Variants in NXPE2 observed in about 807,000 individuals in gnomAD.
NXPE2 encodes neurexophilin and PC-esterase domain family member 2, also known as NXPE family member 2.
Under a neutral mutation model 34.4 loss-of-function variants are expected in NXPE2, and 34 were observed. That is an observed-to-expected ratio of 0.99 (90% confidence interval 0.75 to 1.31). The LOEUF is 1.31. Among genes scored for constraint, NXPE2 ranks in the 40% most tolerant of loss-of-function variants. The probability of loss-of-function intolerance (pLI) is 0.00; values close to 1 mark genes in which losing one functional copy is unlikely to be tolerated. For synonymous variants in NXPE2, 235 were observed against 231.3 expected, an observed-to-expected ratio of 1.02 and a Z score of -0.15; for missense variants, 649 against 672.5, an observed-to-expected ratio of 0.97 and a Z score of 0.39.
the NXPE2 span, among the ~76,000 whole-genome samples, chr11:114,603,900 C>A: frequency 2.0e-5 from 3 of 149,996 alleles, no homozygotes; most frequent in Non-Finnish European, 4.4e-5. Flanking sequence ...AGTATTGCCT[C>A]GTCTCCAAGG....
At chr11:114,711,313 T>C (rs1344864660), downstream of NXPE2, among the ~76,000 whole-genome samples, 1 of 151,914 alleles carries the variant, frequency 6.6e-6, no homozygotes, top group East Asian at 1.9e-4. Context: ...AGACACACAA[T>C]TGGAAAAGCA....
chr11:114,779,871 G>T, the NXPE2 span, among the ~76,000 whole-genome samples: 2 of 151,888 alleles, frequency 1.3e-5, no homozygotes, highest in African/African-American at 4.8e-5. Context: ...AAATTCCCTC[G>T]AGGTGAGTGA....
the NXPE2 span, among the ~76,000 whole-genome samples, chr11:114,754,529 G>C: frequency 1.3e-5 from 2 of 152,316 alleles, no homozygotes; most frequent in African/African-American, 4.8e-5. Flanking sequence ...CAGGATCTAA[G>C]GTTGGGTCAT....
the NXPE2 span, among the ~76,000 whole-genome samples, chr11:114,770,224 A>C: frequency 6.6e-6 from 1 of 152,228 alleles, no homozygotes; most frequent in Non-Finnish European, 1.5e-5. Flanking sequence ...TGGTGGGTTG[A>C]GGTCAGTCTG....
chr11:114,606,208 C>T, the NXPE2 span, among the ~76,000 whole-genome samples: 7 of 136,626 alleles, frequency 5.1e-5, no homozygotes, highest in East Asian at 2.3e-4. Flanking sequence ...GTGGATAATA[C>T]GTATTGCCTC....
the NXPE2 span, among the ~76,000 whole-genome samples, chr11:114,484,314 A>C: frequency 6.6e-6 from 1 of 152,150 alleles, no homozygotes; most frequent in Non-Finnish European, 1.5e-5. Context: ...GCCTCAAACT[A>C]TCTGGGGTAT....
At chr11:114,755,139 G>A in the NXPE2 span, among the ~76,000 whole-genome samples, 1 of 152,122 alleles carries the variant, frequency 6.6e-6, no homozygotes, top group East Asian at 1.9e-4. Context: ...GCTATGAAGA[G>A]GAGCAGAAAA....
chr11:114,787,374 T>C, the NXPE2 span, among the ~76,000 whole-genome samples: 6 of 152,012 alleles, frequency 3.9e-5, no homozygotes, highest in African/African-American at 1.2e-4. Flanking sequence ...CTCTGTGGCG[T>C]GGGGTGGGAA....
At chr11:114,558,047 A>G in the NXPE2 span, among the ~76,000 whole-genome samples, 2 of 152,082 alleles carry the variant, frequency 1.3e-5, no homozygotes, top group African/African-American at 4.8e-5. Flanking sequence ...TCACTGCCCC[A>G]GTTGCTCTCT....
the NXPE2 span, chr11:114,523,086 C>A: frequency 6.2e-6 from 10 of 1,610,656 alleles, no homozygotes; most frequent in South Asian, 2.2e-5. Context: ...TCTATTTTTT[C>A]TCTCTCTGGT....
At chr11:114,812,088 A>G in the NXPE2 span, among the ~76,000 whole-genome samples, 1 of 152,228 alleles carries the variant, frequency 6.6e-6, no homozygotes, top group Admixed American at 6.5e-5. Flanking sequence ...ATTAGCGTTG[A>G]GAGCAAATTG....
At chr11:114,646,746 A>G in the NXPE2 span, among the ~76,000 whole-genome samples, 8 of 152,206 alleles carry the variant, frequency 5.3e-5, no homozygotes, top group Non-Finnish European at 1.0e-4. Context: ...ACACAATATA[A>G]TAAGTTTTGT....
the NXPE2 span, among the ~76,000 whole-genome samples, chr11:114,525,262 T>G: frequency 6.6e-6 from 1 of 152,092 alleles, no homozygotes. Context: ...TGCATAGACC[T>G]GCCCACTGAG....
chr11:114,609,776 G>A, the NXPE2 span, among the ~76,000 whole-genome samples: 2,378 of 151,692 alleles, frequency 0.016, 74 homozygotes, highest in African/African-American at 0.053. Flanking sequence ...ATTGCCTCGC[G>A]GGTAACCACA....
the NXPE2 span, among the ~76,000 whole-genome samples, chr11:114,492,781 C>T: frequency 6.6e-5 from 10 of 152,148 alleles, no homozygotes; most frequent in East Asian, 3.9e-4. Flanking sequence ...CCTCGTGATC[C>T]GCCTGCCTTG....
intron 2 of NXPE2, among the ~76,000 whole-genome samples, chr11:114,695,212 A>G (rs1427113703): frequency 1.3e-5 from 2 of 152,070 alleles, no homozygotes; most frequent in African/African-American, 4.8e-5. Flanking sequence ...CTCCTTTTTA[A>G]GTAGGGTCTG....
chr11:114,696,029 A>G (rs552733234), intron 2 of NXPE2, among the ~76,000 whole-genome samples: 2 of 151,730 alleles, frequency 1.3e-5, no homozygotes, highest in South Asian at 4.2e-4. Context: ...ATTAAGAAAA[A>G]AAAGAAGAAG....
At chr11:114,536,893 A>G in the NXPE2 span, among the ~76,000 whole-genome samples, 2 of 152,206 alleles carry the variant, frequency 1.3e-5, no homozygotes, top group Non-Finnish European at 2.9e-5. Context: ...AACTATTCCA[A>G]TCAGTAGAAA....
At chr11:114,626,329 G>A in the NXPE2 span, among the ~76,000 whole-genome samples, 2 of 152,228 alleles carry the variant, frequency 1.3e-5, no homozygotes, top group African/African-American at 4.8e-5. Context: ...CTGGAGATCT[G>A]AGAATGGGCA....
Sources: gnomAD v4.1 joint callset for allele counts (sites outside exome capture counted in the v4.1 genomes callset) on GRCh38, gnomAD v4.1.1 for gene constraint, MANE v1.5 for transcripts, NCBI Gene and HGNC (gene_info 2026-07-23, HGNC 2026-07-21) for gene names.